The following RNF212B variants were observed in gnomAD, a reference collection of about 807,000 sequenced individuals.
The protein encoded by RNF212B is ring finger protein 212B.
A neutral mutation model predicts 55.5 loss-of-function variants in RNF212B; 52 were observed. The ratio of observed to expected loss-of-function variants is 0.94; its 90% CI spans 0.75 to 1.18. The LOEUF (loss-of-function observed/expected upper bound fraction) is 1.18, where lower values mean the gene tolerates loss of function less well. Among genes scored for constraint, RNF212B ranks in the 50% most tolerant of loss-of-function variants. The pLI, the probability that RNF212B is intolerant of heterozygous loss-of-function variation, is 0.00. For missense variants in RNF212B, 289 were observed against 350.4 expected, an observed-to-expected ratio of 0.82 and a Z score of 1.40; for synonymous variants, 99 against 121.4, an observed-to-expected ratio of 0.82 and a Z score of 1.21.
intron 4 of RNF212B, among the ~76,000 whole-genome samples, chr14:23,249,751 G>T (rs1884268456): frequency 6.6e-6 from 1 of 152,136 alleles, no homozygotes; most frequent in Non-Finnish European, 1.5e-5. Context: ...ATAACCCTCT[G>T]CCTGGTGGGC....
chr14:23,260,006 G>T, intron 6 of RNF212B, 62 bp downstream of exon 6: 2 of 804,130 alleles, frequency 2.5e-6, no homozygotes, highest in South Asian at 3.7e-5. Flanking sequence ...CTATCTAGCT[G>T]ACTGTATAGA....
At chr14:23,246,907 A>G (rs1884022209) in intron 4 of RNF212B, among the ~76,000 whole-genome samples, 1 of 152,112 alleles carries the variant, frequency 6.6e-6, no homozygotes, top group Non-Finnish European at 1.5e-5. Context: ...TTTGAAGGCC[A>G]CGGTGGGTGG....
At chr14:23,224,905 G>A (rs1384319543) in intron 2 of RNF212B, among the ~76,000 whole-genome samples, 1 of 152,068 alleles carries the variant, frequency 6.6e-6, no homozygotes, top group East Asian at 1.9e-4. Context: ...ACAACTCTAT[G>A]GGAAAAAATC....
In RNF212B at chr14:23,269,978, TC is replaced by T; in HGVS notation, c.772+20del. Reference sequence around the variant, plus strand: ...CAATTTTGGTAAGTTAAATAACATTTCCAAAGGAATGGAGCTTCAACTATAG... The same window carrying T: ...CAATTTTGGTAAGTTAAATAACATTTCAAAGGAATGGAGCTTCAACTATAG... On this transcript the variant is annotated intron_variant, in intron 13 of 14. Transcript: ENST00000430154. The T allele has an allele frequency of 7.7e-7, 1 of 1,296,668 alleles. No homozygotes were observed. The highest frequency in any genetic ancestry group is 1.1e-6 in the Non-Finnish European group (1 of 915,882). 80.3% of individuals were successfully genotyped at this position (1,296,668 alleles called of 1,614,324 possible). A position where few individuals can be genotyped will look rare whatever the true frequency, so the allele number is the denominator to read the frequency against.
At chr14:23,199,273 C>T (rs1053436163) in intron 2 of RNF212B, among the ~76,000 whole-genome samples, 1 of 152,126 alleles carries the variant, frequency 6.6e-6, no homozygotes, top group Non-Finnish European at 1.5e-5. Flanking sequence ...TTGGTTCAGT[C>T]TGGAAAGGCA....
At chr14:23,212,289 G>A (rs927974928) in intron 2 of RNF212B, among the ~76,000 whole-genome samples, 2 of 152,068 alleles carry the variant, frequency 1.3e-5, no homozygotes, top group African/African-American at 4.8e-5. Flanking sequence ...ACTGCAGTTA[G>A]GCAAGAAAAA....
intron 2 of RNF212B, among the ~76,000 whole-genome samples, chr14:23,221,334 C>T (rs1223079779): frequency 1.3e-5 from 2 of 150,926 alleles, no homozygotes; most frequent in Non-Finnish European, 2.9e-5. Flanking sequence ...CAAAAAAGAG[C>T]AAGAATAGCT....
At chr14:23,253,523 T>A (rs569630817) in intron 4 of RNF212B, among the ~76,000 whole-genome samples, 1 of 152,148 alleles carries the variant, frequency 6.6e-6, no homozygotes, top group African/African-American at 2.4e-5. Flanking sequence ...CCATCATTGG[T>A]TTGGGGGCGG....
At chr14:23,246,122 A>ACAC (rs1883961937) in intron 4 of RNF212B, among the ~76,000 whole-genome samples, 6 of 151,656 alleles carry the variant, frequency 4.0e-5, no homozygotes. Context: ...GTAAGTCTGT[A>ACAC]AGTTTTCTTT....
intron 14 of RNF212B, among the ~76,000 whole-genome samples, chr14:23,270,887 G>T (rs1886024815): frequency 6.6e-6 from 1 of 152,192 alleles, no homozygotes; most frequent in African/African-American, 2.4e-5. Context: ...ACATGGTAGT[G>T]GGAGGCTTTA....
chr14:23,191,924 G>T (rs1566384729), intron 1 of RNF212B, among the ~76,000 whole-genome samples: 1 of 152,204 alleles, frequency 6.6e-6, no homozygotes, highest in Non-Finnish European at 1.5e-5. Flanking sequence ...ATTTTATTCA[G>T]TTACTGTAAA....
At chr14:23,219,429 A>G (rs1301795865) in intron 2 of RNF212B, among the ~76,000 whole-genome samples, 1 of 152,160 alleles carries the variant, frequency 6.6e-6, no homozygotes, top group African/African-American at 2.4e-5. Flanking sequence ...AAAGTTTAAA[A>G]GCAGAGGAAA....
At chr14:23,233,532 C>A (rs1443739485), upstream of RNF212B, among the ~76,000 whole-genome samples, 1 of 143,726 alleles carries the variant, frequency 7.0e-6, no homozygotes, top group African/African-American at 2.6e-5. Flanking sequence ...CTGAGACCAG[C>A]CTGGGCAACA....
At chr14:23,248,737 GC>G (rs1216660393) in intron 4 of RNF212B, among the ~76,000 whole-genome samples, 3 of 151,148 alleles carry the variant, frequency 2.0e-5, no homozygotes, top group Admixed American at 6.6e-5. Context: ...ATCACGCCCG[GC>G]CCCCAAGCCT....
At chr14:23,194,957 T>C (rs1027115475) in intron 2 of RNF212B, among the ~76,000 whole-genome samples, 8 of 152,082 alleles carry the variant, frequency 5.3e-5, no homozygotes, top group African/African-American at 1.9e-4. Flanking sequence ...ATTTCAAAGA[T>C]GTGAAATCAT....
intron 2 of RNF212B, among the ~76,000 whole-genome samples, chr14:23,210,376 G>A (rs184159236): frequency 6.6e-5 from 10 of 152,334 alleles, no homozygotes; most frequent in African/African-American, 2.4e-4. Flanking sequence ...TTGGACTGTA[G>A]AACAGAGAAA....
upstream of RNF212B, among the ~76,000 whole-genome samples, chr14:23,237,055 G>C (rs1250409630): frequency 1.3e-5 from 2 of 148,272 alleles, no homozygotes; most frequent in Admixed American, 6.8e-5. Flanking sequence ...CCTCGACCCC[G>C]TGGGATTAAG....
intron 1 of RNF212B, among the ~76,000 whole-genome samples, chr14:23,238,737 A>AAATAATAATAAT (rs34688858): frequency 2.2e-5 from 3 of 136,256 alleles, no homozygotes; most frequent in East Asian, 2.2e-4. Flanking sequence ...CCCTGTCTCA[A>AAATAATAATAAT]AATAATAATA....
upstream of RNF212B, among the ~76,000 whole-genome samples, chr14:23,237,093 T>C (rs1006706846): frequency 1.3e-5 from 2 of 150,312 alleles, no homozygotes; most frequent in African/African-American, 4.9e-5. Flanking sequence ...CCTCCCTAAG[T>C]AGCTGGGACT....
Sources: gnomAD v4.1 joint callset for allele counts (sites outside exome capture counted in the v4.1 genomes callset) on GRCh38, gnomAD v4.1.1 for gene constraint, MANE v1.5 for transcripts, NCBI Gene and HGNC (gene_info 2026-07-23, HGNC 2026-07-21) for gene names.